The following FUBP3 variants were observed in gnomAD, a reference collection of about 807,000 sequenced individuals.
FUBP3 encodes far upstream element-binding protein 3.
A neutral mutation model predicts 85.6 loss-of-function variants in FUBP3; 28 were observed. The observed-to-expected ratio is 0.33, with a 90% confidence interval of 0.24 to 0.45. FUBP3 has a LOEUF of 0.45. Ranked by LOEUF, FUBP3 falls within the 20% of genes least tolerant of loss-of-function variation. The pLI is 1.00. For synonymous variants in FUBP3, 271 were observed against 271.4 expected, an observed-to-expected ratio of 1.00 and a Z score of 0.01; for missense variants, 583 against 755.1, an observed-to-expected ratio of 0.77 and a Z score of 2.67.
At chr9:130,583,770 T>C (rs1830228825) in intron 1 of FUBP3, among the ~76,000 whole-genome samples, 1 of 152,202 alleles carries the variant, frequency 6.6e-6, no homozygotes, top group African/African-American at 2.4e-5. Flanking sequence ...CACCACATGT[T>C]AATGGAAGTG....
At chr9:130,598,660 C>T (rs1830983274) in intron 2 of FUBP3, among the ~76,000 whole-genome samples, 1 of 152,236 alleles carries the variant, frequency 6.6e-6, no homozygotes. Context: ...AAGATCACAG[C>T]GTACTATTTT....
chr9:130,622,491 G>T (rs1428737122), intron 9 of FUBP3, among the ~76,000 whole-genome samples: 1 of 151,986 alleles, frequency 6.6e-6, no homozygotes, highest in Admixed American at 6.6e-5. Context: ...AATTCGCCGA[G>T]CATAGTTGCC....
intron 2 of FUBP3, among the ~76,000 whole-genome samples, chr9:130,595,838 G>T (rs950032509): frequency 3.3e-5 from 5 of 152,204 alleles, no homozygotes; most frequent in African/African-American, 1.2e-4. Flanking sequence ...CAGCTTGGAA[G>T]TAATTTGACC....
chr9:130,633,127 C>T (rs2119129021), intron 16 of FUBP3, among the ~76,000 whole-genome samples: 1 of 152,364 alleles, frequency 6.6e-6, no homozygotes, highest in South Asian at 2.1e-4. Context: ...TGGCCTTAGG[C>T]ACGCCCTGCC....
chr9:130,634,414 G>A (rs970501954), intron 16 of FUBP3, among the ~76,000 whole-genome samples: 3 of 152,236 alleles, frequency 2.0e-5, no homozygotes, highest in African/African-American at 4.8e-5. Context: ...CGTCAAGCTT[G>A]CGTCTCCATC....
chr9:130,622,547 T>C (rs1209855790), intron 9 of FUBP3, among the ~76,000 whole-genome samples, 161 bp from the exon 10 acceptor site: 1 of 150,226 alleles, frequency 6.7e-6, no homozygotes, highest in Non-Finnish European at 1.5e-5. Context: ...GGGAGAATCA[T>C]TGGAACCCGG....
In FUBP3 at chr9:130,589,687, ATATATATATATATATATATTTTTTT is replaced by A. The variant is rs1164373862; in HGVS notation, c.85-5794_85-5770del. On this transcript the variant is annotated intron_variant, in intron 1 of 18. Coordinates refer to ENST00000319725, the MANE Select transcript of FUBP3 (RefSeq NM_003934.2). ...TATGTATGTGTGTGTATATATATAT[ATATATATATATATATATATTTTTTT>A]TTTTTTTTTTTTTTTTAAGAGACAG... 1.1e-3 allele frequency among the ~76,000 whole-genome samples: 31 copies of A among 27,246 alleles called. 2 individuals are homozygous for A. The Admixed American group carries it at 0.015, about 13-fold the overall frequency. The allele number at this position is 27,246 out of a possible 152,430, so 17.9% of individuals were successfully genotyped here.
chr9:130,630,044 C>T (rs1830150074), intron 12 of FUBP3, among the ~76,000 whole-genome samples: 2 of 152,232 alleles, frequency 1.3e-5, no homozygotes, highest in Non-Finnish European at 2.9e-5. Flanking sequence ...CATCCTTGCA[C>T]TGCCTGTGTA....
chr9:130,584,499 G>A (rs544887721), intron 1 of FUBP3, among the ~76,000 whole-genome samples: 2 of 151,898 alleles, frequency 1.3e-5, no homozygotes, highest in Middle Eastern at 3.2e-3. Flanking sequence ...TTGCATTCAA[G>A]CCTGAGTGAA....
At chr9:130,610,162 A>G (rs1000759706) in intron 3 of FUBP3, among the ~76,000 whole-genome samples, 175 bp downstream of exon 3, 1 of 152,226 alleles carries the variant, frequency 6.6e-6, no homozygotes, top group African/African-American at 2.4e-5. Context: ...CAGCTCAGGG[A>G]TAAACTAATA....
chr9:130,628,114 A>G (rs1188429371), intron 12 of FUBP3, among the ~76,000 whole-genome samples: 1 of 151,704 alleles, frequency 6.6e-6, no homozygotes, highest in Non-Finnish European at 1.5e-5. Context: ...GCACACACAC[A>G]CACACACACA....
At chr9:130,618,127 C>T (rs1442888570) in intron 8 of FUBP3, among the ~76,000 whole-genome samples, 1 of 152,214 alleles carries the variant, frequency 6.6e-6, no homozygotes, top group Non-Finnish European at 1.5e-5. Flanking sequence ...AAAAACTGAG[C>T]TCCTCATTTA....
At position 130,616,219 on chromosome 9, in the gene FUBP3, T is replaced by TG; in HGVS notation, c.405-131dup. 2.7e-6 allele frequency: 2 copies of TG among 744,216 alleles called. No homozygotes were observed. The highest frequency in any genetic ancestry group is 1.8e-5 in the South Asian group (1 of 54,552). The allele number at this position is 744,216 out of a possible 1,614,324, so 46.1% of individuals were successfully genotyped here. On this transcript the variant is annotated intron_variant, in intron 6 of 18. Coordinates refer to ENST00000319725, the MANE Select transcript of FUBP3 (RefSeq NM_003934.2). The surrounding 1 kb of genome is among the most constrained non-coding windows in gnomAD (Gnocchi z 4.7). ...GGATGGCAGAGAGACCTCCGGGTTGTGGGGGCAGGAGCTGGAGCTGGATGG... is the reference window on the plus strand; with the variant it reads ...GGATGGCAGAGAGACCTCCGGGTTGTGGGGGGCAGGAGCTGGAGCTGGATGG...
chr9:130,611,717 TG>T (rs1175007022), intron 3 of FUBP3, among the ~76,000 whole-genome samples: 1 of 151,816 alleles, frequency 6.6e-6, no homozygotes, highest in African/African-American at 2.4e-5. Flanking sequence ...AATTGCTTTC[TG>T]GGGTGTTGGG....
At chr9:130,606,718 G>GA (rs1421883859) in intron 2 of FUBP3, among the ~76,000 whole-genome samples, 1 of 152,100 alleles carries the variant, frequency 6.6e-6, no homozygotes, top group Non-Finnish European at 1.5e-5. Flanking sequence ...TACTCGGGAA[G>GA]CTGAGGTAGG....
intron 1 of FUBP3, among the ~76,000 whole-genome samples, chr9:130,586,949 C>G (rs751627134): frequency 6.6e-6 from 1 of 151,994 alleles, no homozygotes; most frequent in Non-Finnish European, 1.5e-5. Flanking sequence ...CGGGGTTTCA[C>G]CGTGCTAGCC....
At chr9:130,620,326 A>G (rs376357377) in intron 8 of FUBP3, 28 bp from the exon 9 acceptor site, 30 of 1,351,198 alleles carry the variant, frequency 2.2e-5, no homozygotes, top group Admixed American at 4.1e-5. Context: ...ATTTTTTCTC[A>G]TAATGCTTTT....
chr9:130,585,174 G>C (rs549616866), intron 1 of FUBP3, among the ~76,000 whole-genome samples: 10 of 152,176 alleles, frequency 6.6e-5, no homozygotes, highest in African/African-American at 2.2e-4. Context: ...GAAAAAAAAA[G>C]ATTTCTGGTT....
In FUBP3 at chr9:130,634,657, C is replaced by A; in HGVS notation, c.1511-10C>A. 6.2e-7 allele frequency: 1 copy of A among 1,612,094 alleles called. No individual in the cohort carries two copies. The highest frequency in any genetic ancestry group is 1.1e-5 in the South Asian group (1 of 90,840). ...CGTAAGGCCTGACTGCTTTTGTGTT[C>A]TTCGCACAGGCCAGCAGAGCCAGCC... On this transcript the variant is annotated splice_polypyrimidine_tract_variant and intron_variant, in intron 16 of 18. Coordinates refer to ENST00000319725, the MANE Select transcript of FUBP3 (RefSeq NM_003934.2).
Sources: gnomAD v4.1 joint callset for allele counts (sites outside exome capture counted in the v4.1 genomes callset) on GRCh38, gnomAD v4.1.1 for gene constraint, Gnocchi (gnomAD v3.1) non-coding constraint, MANE v1.5 for transcripts, NCBI Gene and HGNC (gene_info 2026-07-23, HGNC 2026-07-21) for gene names.